The following SORBS2 variants were observed in gnomAD, a reference collection of about 807,000 sequenced individuals.
The protein encoded by SORBS2 is sorbin and SH3 domain containing 2, also known as sorbin and SH3 domain-containing protein 2.
Under a neutral mutation model 97.7 loss-of-function variants are expected in SORBS2, and 46 were observed. The observed-to-expected ratio is 0.47, with a 90% CI of 0.37 to 0.60. The LOEUF is 0.60. Among genes scored for constraint, SORBS2 ranks in the 20% least tolerant of loss-of-function variants. The probability of loss-of-function intolerance (pLI) is 0.00; values close to 1 mark genes in which losing one functional copy is unlikely to be tolerated. For missense variants in SORBS2, 1,316 were observed against 1,282.3 expected (o/e 1.03, Z -0.40); for synonymous variants, 476 against 473.4 (o/e 1.01, Z -0.07).
intron 1 of SORBS2, among the ~76,000 whole-genome samples, chr4:185,793,260 T>C (rs2099089474): frequency 6.6e-6 from 1 of 152,238 alleles, no homozygotes; most frequent in Non-Finnish European, 1.5e-5. Flanking sequence ...TTCAGGATTG[T>C]GGCACTGCAG....
chr4:185,750,986 C>CA (rs372301367), intron 2 of SORBS2, among the ~76,000 whole-genome samples: 7 of 150,348 alleles, frequency 4.7e-5, no homozygotes, highest in African/African-American at 1.5e-4. Flanking sequence ...TTTAGCGATC[C>CA]AAAAAAAATT....
At chr4:185,786,770 T>C (rs1440870425) in intron 1 of SORBS2, among the ~76,000 whole-genome samples, 3 of 152,170 alleles carry the variant, frequency 2.0e-5, no homozygotes, top group Non-Finnish European at 4.4e-5. Flanking sequence ...AAGACCAGCC[T>C]GGCCAACATG....
chr4:185,947,415 C>CT (rs924626639), intron 1 of SORBS2, among the ~76,000 whole-genome samples: 5 of 151,964 alleles, frequency 3.3e-5, no homozygotes, highest in Non-Finnish European at 4.4e-5. Flanking sequence ...GGTTAATTCA[C>CT]TTTTTTTTCT....
intron 1 of SORBS2, among the ~76,000 whole-genome samples, chr4:185,942,205 T>C (rs1343661483): frequency 1.3e-5 from 2 of 152,194 alleles, no homozygotes; most frequent in African/African-American, 2.4e-5. Flanking sequence ...GGAATTTTCA[T>C]GTAACTCTGA....
intron 11 of SORBS2, among the ~76,000 whole-genome samples, chr4:185,613,473 C>A (rs796197545): frequency 6.6e-6 from 1 of 151,154 alleles, no homozygotes; most frequent in South Asian, 2.1e-4. Flanking sequence ...CATAGTGAAA[C>A]CCCATCTCTA....
At chr4:185,693,452 T>C (rs1275656239) in intron 2 of SORBS2, among the ~76,000 whole-genome samples, 1 of 152,050 alleles carries the variant, frequency 6.6e-6, no homozygotes, top group Non-Finnish European at 1.5e-5. Flanking sequence ...ACTCCTAATA[T>C]GTTAACCTTA....
At chr4:185,794,606 T>C (rs1215797234) in intron 1 of SORBS2, among the ~76,000 whole-genome samples, 2 of 152,080 alleles carry the variant, frequency 1.3e-5, no homozygotes, top group African/African-American at 4.8e-5. Context: ...GCCACCCCTC[T>C]GAGGAAGCCC....
chr4:185,853,420 T>C (rs1279856532), intron 1 of SORBS2, among the ~76,000 whole-genome samples: 2 of 152,306 alleles, frequency 1.3e-5, no homozygotes, highest in African/African-American at 4.8e-5. Context: ...ATACAGAATT[T>C]CTACGACACC....
At chr4:185,745,901 C>T (rs1226182388) in intron 2 of SORBS2, among the ~76,000 whole-genome samples, 3 of 152,162 alleles carry the variant, frequency 2.0e-5, no homozygotes, top group Non-Finnish European at 4.4e-5. Flanking sequence ...GCCTAAGCCT[C>T]ACAGATATGT....
chr4:185,930,695 G>A (rs1374751266), intron 1 of SORBS2, among the ~76,000 whole-genome samples: 1 of 152,054 alleles, frequency 6.6e-6, no homozygotes, highest in East Asian at 1.9e-4. Flanking sequence ...TATTCTGAAG[G>A]TGTAACTCAT....
intron 11 of SORBS2, among the ~76,000 whole-genome samples, chr4:185,614,197 C>A (rs1454330808): frequency 8.1e-6 from 1 of 122,914 alleles, no homozygotes; most frequent in African/African-American, 3.2e-5. Flanking sequence ...TGGAATCTCG[C>A]TCACCTGCCT....
chr4:185,796,552 C>G (rs113936120), intron 1 of SORBS2, among the ~76,000 whole-genome samples: 1 of 101,846 alleles, frequency 9.8e-6, no homozygotes, highest in African/African-American at 3.7e-5. Flanking sequence ...GCTGGGCATG[C>G]CTGGGCGCTG....
intron 1 of SORBS2, among the ~76,000 whole-genome samples, chr4:185,793,825 A>G (rs186444636): frequency 6.6e-6 from 1 of 152,336 alleles, no homozygotes; most frequent in East Asian, 1.9e-4. Flanking sequence ...CCTATGATCT[A>G]TGCACAGCAT....
chr4:185,688,278 T>C (rs944641431), intron 2 of SORBS2, among the ~76,000 whole-genome samples: 1 of 152,156 alleles, frequency 6.6e-6, no homozygotes, highest in African/African-American at 2.4e-5. Context: ...AAAAGAATGC[T>C]TTTTAGCCGT....
chr4:185,888,596 A>G (rs1421898957), intron 1 of SORBS2, among the ~76,000 whole-genome samples: 1 of 152,270 alleles, frequency 6.6e-6, no homozygotes, highest in Non-Finnish European at 1.5e-5. Context: ...TGAAACAAAT[A>G]GTGTTCTTTC....
At chr4:185,783,696 G>A (rs1036644728) in intron 1 of SORBS2, among the ~76,000 whole-genome samples, 2 of 152,174 alleles carry the variant, frequency 1.3e-5, no homozygotes, top group Admixed American at 6.5e-5. Context: ...GCATGAGAGG[G>A]AATATCCTGC....
intron 2 of SORBS2, chr4:185,690,564 G>A (rs1156515155): frequency 1.3e-6 from 2 of 1,525,652 alleles, no homozygotes; most frequent in Non-Finnish European, 1.8e-6. Flanking sequence ...CAGCATACCT[G>A]TGTTCATTTT....
At chr4:185,845,209 A>G (rs2149669336) in intron 1 of SORBS2, among the ~76,000 whole-genome samples, 1 of 152,094 alleles carries the variant, frequency 6.6e-6, no homozygotes, top group East Asian at 1.9e-4. Context: ...TTGTAGAGAC[A>G]GAGTCCCACG....
intron 1 of SORBS2, among the ~76,000 whole-genome samples, chr4:185,886,570 A>G (rs1003103536): frequency 3.8e-5 from 4 of 104,518 alleles, no homozygotes; most frequent in South Asian, 3.7e-4. Flanking sequence ...AAAAAAAAAA[A>G]AAAGAAAAGA....
Sources: gnomAD v4.1 joint callset for allele counts (sites outside exome capture counted in the v4.1 genomes callset) on GRCh38, gnomAD v4.1.1 for gene constraint, MANE v1.5 for transcripts, NCBI Gene and HGNC (gene_info 2026-07-23, HGNC 2026-07-21) for gene names.